The following LAMB1 variants were observed in gnomAD, a reference collection of about 807,000 sequenced individuals.
The protein encoded by LAMB1 is laminin subunit beta-1.
A neutral mutation model predicts 222.3 loss-of-function variants in LAMB1; 121 were observed. That is an observed-to-expected ratio of 0.54 (90% CI 0.47 to 0.63). The LOEUF is 0.63. LAMB1 is among the 30% of genes least tolerant of loss of function. The pLI, the probability that LAMB1 is intolerant of heterozygous loss-of-function variation, is 0.00. For missense variants in LAMB1, 2,172 were observed against 2,240.8 expected, an observed-to-expected ratio of 0.97 and a Z score of 0.62; for synonymous variants, 794 against 807.2, an observed-to-expected ratio of 0.98 and a Z score of 0.28.
chr7:107,965,095 G>GC (rs1366376089), intron 13 of LAMB1, among the ~76,000 whole-genome samples: 1 of 152,200 alleles, frequency 6.6e-6, no homozygotes, highest in Non-Finnish European at 1.5e-5. Context: ...TAAGACAGAA[G>GC]CCCTCAATCC....
chr7:107,959,683 G>A lies in LAMB1; in HGVS notation c.2458+8C>T, dbSNP rs1562989776. ...ATGAATGCATAACAATGCTTTTGAG[G>A]AACCTACGTTTGCATCCACTGGGGC... is the stretch of plus-strand genomic sequence containing the variant. On this transcript the variant is annotated splice_region_variant and intron_variant, in intron 19 of 33. Coordinates refer to ENST00000222399, the MANE Select transcript of LAMB1 (RefSeq NM_002291.3). The A allele has an allele frequency of 6.2e-7, 1 of 1,614,206 alleles. No homozygotes were observed. Among genetic ancestry groups the A allele is most frequent in the African/African-American group, 1.3e-5 (1 of 75,064 alleles).
chr7:107,959,635 C>G, intron 19 of LAMB1, 56 bp downstream of exon 19: 1 of 1,614,060 alleles, frequency 6.2e-7, no homozygotes, highest in Admixed American at 1.7e-5. Context: ...TGGAACCCTG[C>G]CACAATGGCT....
At position 107,941,822 on chromosome 7, in the gene LAMB1, CTTTTTTTTTTTTTTTTTTT is replaced by C. The variant is rs774447066; in HGVS notation, c.3392-1483_3392-1465del. On this transcript the variant is annotated intron_variant, in intron 24 of 33. Coordinates refer to ENST00000222399, the MANE Select transcript of LAMB1 (RefSeq NM_002291.3). ...TACAGGCATGCGCCACCACACCCGG[CTTTTTTTTTTTTTTTTTTT>C]TTTTTTTTTTTTTTTTTAAGAGACG... Among the ~76,000 whole-genome samples, 15 of 31,884 alleles carry C rather than the reference CTTTTTTTTTTTTTTTTTTT, an allele frequency of 4.7e-4. No individual in the cohort carries two copies. The East Asian group carries it at 0.011, about 24-fold the overall frequency. 20.9% of individuals were successfully genotyped at this position (31,884 alleles called of 152,430 possible). A position where few individuals can be genotyped will look rare whatever the true frequency, so the allele number is the denominator to read the frequency against.
chr7:107,932,185 G>A lies in LAMB1; in HGVS notation c.4381C>T (p.Leu1461Phe), dbSNP rs147480353. 37 of 1,614,162 alleles carry A rather than the reference G, an allele frequency of 2.3e-5. No homozygotes were observed. Among genetic ancestry groups the A allele is most frequent in the Middle Eastern group, 3.3e-4 (2 of 6,062 alleles). Residue 1461 changes from leucine (L) to phenylalanine (F), a missense_variant, in exon 28 of 34, where the codon CTC becomes TTC. Physicochemically the swap from Leu to Phe is conservative, Grantham distance 22. Coordinates refer to ENST00000222399, the MANE Select transcript of LAMB1 (RefSeq NM_002291.3). ...VLSALAEVEQ[L>F]SKMVSEAKLR... is the part of the protein sequence containing the mutation. ...ATCCACTGAGTTACCATCTTGGAGAGCTGTTCCACTTCAGCCAGGGCACTC... is the reference window on the plus strand; with the variant it reads ...ATCCACTGAGTTACCATCTTGGAGAACTGTTCCACTTCAGCCAGGGCACTC...
At chr7:107,955,852 C>G (rs1219826685) in intron 20 of LAMB1, among the ~76,000 whole-genome samples, 1 of 152,242 alleles carries the variant, frequency 6.6e-6, no homozygotes, top group Non-Finnish European at 1.5e-5. Flanking sequence ...CCTGCCTCAG[C>G]CTCCCAAGTA....
At chr7:107,949,186 T>C (rs1227687115) in intron 24 of LAMB1, among the ~76,000 whole-genome samples, 1 of 152,222 alleles carries the variant, frequency 6.6e-6, no homozygotes, top group Non-Finnish European at 1.5e-5. Context: ...ACAAGGTTTC[T>C]ATAAGTCACA....
intron 24 of LAMB1, among the ~76,000 whole-genome samples, chr7:107,950,780 C>G (rs560724715): frequency 2.6e-4 from 40 of 152,312 alleles, no homozygotes; most frequent in African/African-American, 9.6e-4. Context: ...CTAGGATAAC[C>G]ATTTACCTCT....
intron 4 of LAMB1, among the ~76,000 whole-genome samples, chr7:107,997,445 A>T (rs2034301222): frequency 6.6e-6 from 1 of 152,110 alleles, no homozygotes; most frequent in South Asian, 2.1e-4. Flanking sequence ...ACAAACAAAC[A>T]AACAGTCAAT....
Position 107,953,704 on chromosome 7 carries a change from C to G in LAMB1, c.2905G>C (p.Val969Leu). The G allele has an allele frequency of 6.2e-7, 1 of 1,614,198 alleles. No individual in the cohort carries two copies. Among genetic ancestry groups the G allele is most frequent in the Non-Finnish European group, 8.5e-7 (1 of 1,180,032 alleles). The change falls in exon 22 of 34, where the codon GTT becomes CTT. Residue 969 changes from valine (V) to leucine (L), a missense_variant. Val to Leu is a conservative substitution (Grantham distance 32, BLOSUM62 1). Coordinates refer to ENST00000222399, the MANE Select transcript of LAMB1 (RefSeq NM_002291.3). Reference sequence around the variant, plus strand: ...TGGCAAGGCTGACACGACCCCCCAACTTCTGATGGATTGCCAAAGTATCCT... The same window carrying G: ...TGGCAAGGCTGACACGACCCCCCAAGTTCTGATGGATTGCCAAAGTATCCT... Reference protein sequence around the residue: ...ASGYFGNPSEVGGSCQPCQCH... With the variant: ...ASGYFGNPSELGGSCQPCQCH...
intron 24 of LAMB1, among the ~76,000 whole-genome samples, chr7:107,943,439 T>C (rs555563359): frequency 1.3e-5 from 2 of 152,334 alleles, no homozygotes; most frequent in East Asian, 3.9e-4. Context: ...ATAACTTAAA[T>C]AACTTAGTAC....
intron 23 of LAMB1, 123 bp from the exon 24 acceptor site, chr7:107,951,445 C>T: frequency 3.7e-6 from 3 of 806,140 alleles, no homozygotes; most frequent in Middle Eastern, 2.5e-4. Flanking sequence ...TCTCCATTGA[C>T]TAGGAAAAGG....
intron 24 of LAMB1, among the ~76,000 whole-genome samples, chr7:107,941,176 G>A (rs1362324576): frequency 6.6e-6 from 1 of 152,206 alleles, no homozygotes; most frequent in African/African-American, 2.4e-5. Flanking sequence ...TGCCGTACAG[G>A]ACAAAATGTG....
intron 13 of LAMB1, among the ~76,000 whole-genome samples, chr7:107,969,830 A>G (rs2033711608): frequency 6.6e-6 from 1 of 152,246 alleles, no homozygotes; most frequent in Admixed American, 6.5e-5. Flanking sequence ...AAGCTACAGT[A>G]AAAATACAGT....
chr7:107,986,445 C>T (rs573352379), intron 5 of LAMB1, 82 bp from the exon 6 acceptor site: 5 of 1,154,148 alleles, frequency 4.3e-6, no homozygotes, highest in Non-Finnish European at 4.9e-6. Context: ...AAATGTCACT[C>T]AACTGCATGC....
At chr7:107,926,877 C>T (rs2032579085) in intron 31 of LAMB1, among the ~76,000 whole-genome samples, 1 of 152,028 alleles carries the variant, frequency 6.6e-6, no homozygotes, top group Non-Finnish European at 1.5e-5. Context: ...GATGTATGGT[C>T]TGGGAACGTT....
intron 13 of LAMB1, among the ~76,000 whole-genome samples, chr7:107,971,575 T>C (rs1170482028): frequency 6.6e-6 from 1 of 152,236 alleles, no homozygotes; most frequent in African/African-American, 2.4e-5. Context: ...TGTTCTTTTT[T>C]TCCCCTCCAC....
At chr7:107,964,979 G>T (rs965613039) in intron 13 of LAMB1, among the ~76,000 whole-genome samples, 85 of 152,246 alleles carry the variant, frequency 5.6e-4, no homozygotes, top group African/African-American at 1.9e-3. Context: ...TCTTGCTTTG[G>T]CATGTTACAT....
intron 24 of LAMB1, among the ~76,000 whole-genome samples, chr7:107,943,789 A>G (rs1562981318): frequency 1.3e-5 from 2 of 152,266 alleles, no homozygotes; most frequent in East Asian, 1.9e-4. Context: ...CGCCTTCTGT[A>G]TATTAGAGAA....
At chr7:107,952,286 A>G in intron 22 of LAMB1, 63 bp from the exon 23 acceptor site, 1 of 1,241,066 alleles carries the variant, frequency 8.1e-7, no homozygotes, top group East Asian at 2.5e-5. Context: ...TGCGGATGTT[A>G]GCCACATCTA....
Sources: gnomAD v4.1 joint callset for allele counts (sites outside exome capture counted in the v4.1 genomes callset) on GRCh38, gnomAD v4.1.1 for gene constraint, MANE v1.5 for transcripts, NCBI Gene and HGNC (gene_info 2026-07-23, HGNC 2026-07-21) for gene names.